Variants in HABP2 observed in about 807,000 individuals in gnomAD.
The protein encoded by HABP2 is factor VII-activating protease.
A neutral mutation model predicts 66.5 loss-of-function variants in HABP2; 65 were observed. The observed-to-expected ratio is 0.98, with a 90% confidence interval of 0.80 to 1.20. The LOEUF (loss-of-function observed/expected upper bound fraction) is 1.20. Ranked by LOEUF, HABP2 falls within the 50% of genes most tolerant of loss-of-function variation. The pLI is 0.00. For synonymous variants in HABP2, 263 were observed against 253.9 expected, an observed-to-expected ratio of 1.04 and a Z score of -0.34; for missense variants, 786 against 691.0, an observed-to-expected ratio of 1.14 and a Z score of -1.54.
rs1483555756 is a variant in HABP2, at chr10:113,584,237, T to C, written c.1327T>C (p.Ser443Pro). The C allele has an allele frequency of 1.2e-6, 2 of 1,613,894 alleles. No homozygotes were observed. The highest frequency in any genetic ancestry group is 2.2e-5 in the South Asian group (2 of 91,068). The change falls in exon 11 of 13, where the codon TCT (serine) becomes CCT (proline). Residue 443 changes from serine to proline, a missense_variant. Coordinates refer to ENST00000351270, the MANE Select transcript of HABP2 (RefSeq NM_004132.5). ...TVCLPDGSFPSGSECHISGWG... is the reference protein window; with the variant it reads ...TVCLPDGSFPPGSECHISGWG... ...GTGCTTGCCTGATGGGTCCTTTCCC[T>C]CTGGGAGTGAGTGCCACATCTCTGG...
intron 1 of HABP2, among the ~76,000 whole-genome samples, chr10:113,564,937 C>T (rs1289410785): frequency 1.1e-4 from 17 of 152,138 alleles, no homozygotes; most frequent in Admixed American, 1.1e-3. Flanking sequence ...AGCTCTGCCT[C>T]CTGGGCTCAC....
At chr10:113,561,646 A>G (rs999824865) in intron 1 of HABP2, among the ~76,000 whole-genome samples, 1 of 152,102 alleles carries the variant, frequency 6.6e-6, no homozygotes, top group African/African-American at 2.4e-5. Flanking sequence ...CTCTGCTCTT[A>G]GTTCATTCGG....
intron 2 of HABP2, among the ~76,000 whole-genome samples, chr10:113,568,144 G>T (rs989564740): frequency 1.3e-5 from 2 of 152,224 alleles, no homozygotes; most frequent in Non-Finnish European, 2.9e-5. Flanking sequence ...CACAGCGTGC[G>T]CAAGCTAAGC....
intron 9 of HABP2, 42 bp downstream of exon 9, chr10:113,582,173 C>T (rs370075546): frequency 1.4e-4 from 223 of 1,564,884 alleles, no homozygotes; most frequent in Non-Finnish European, 1.9e-4. Flanking sequence ...GCTTGAGTGG[C>T]TGGGGGTGCT....
chr10:113,588,958 A>G lies in HABP2; in HGVS notation c.*589A>G. ...AAACTTCCTCTCTGGCCTCTCAGGA[A>G]TCAGGGTGGACATGGCTCACAACAG... On this transcript the variant is annotated 3_prime_UTR_variant, in exon 13 of 13. Transcript: ENST00000351270. 2 of 1,576,730 alleles carry G rather than the reference A, an allele frequency of 1.3e-6. No individual in the cohort carries two copies. Among genetic ancestry groups the G allele is most frequent in the African/African-American group, 1.5e-5 (1 of 67,662 alleles).
At chr10:113,588,037 GT>G (rs1845688779) in intron 12 of HABP2, among the ~76,000 whole-genome samples, 167 bp from the exon 13 acceptor site, 1 of 152,164 alleles carries the variant, frequency 6.6e-6, no homozygotes, top group African/African-American at 2.4e-5. Flanking sequence ...TTAGAGTCTT[GT>G]ATCATGTGAG....
chr10:113,588,777 C>G lies in HABP2; in HGVS notation c.*408C>G, dbSNP rs1845734952. 1.7e-6 allele frequency: 1 copy of G among 585,144 alleles called. No individual in the cohort carries two copies. Among genetic ancestry groups the G allele is most frequent in the African/African-American group, 1.9e-5 (1 of 53,622 alleles). The allele number at this position is 585,144 out of a possible 1,614,324, so 36.2% of individuals were successfully genotyped here. A position where few individuals can be genotyped will look rare whatever the true frequency, so the allele number is the denominator to read the frequency against. On this transcript the variant is annotated 3_prime_UTR_variant, in exon 13 of 13. Transcript: ENST00000351270. ...AGACACTCGAGGCACTCAACAGAAT[C>G]AGCCATCCACGTCTAGGTATCAGAG...
intron 2 of HABP2, among the ~76,000 whole-genome samples, chr10:113,572,036 A>G (rs1344810263): frequency 1.3e-5 from 2 of 152,226 alleles, no homozygotes; most frequent in Non-Finnish European, 2.9e-5. Context: ...GCCCATCCCA[A>G]ATGGAAAGGA....
upstream of HABP2, among the ~76,000 whole-genome samples, chr10:113,551,905 G>C (rs1166264300): frequency 1.3e-5 from 2 of 151,944 alleles, no homozygotes; most frequent in African/African-American, 4.8e-5. Context: ...GAGGCGGGGT[G>C]GGGGGAGTTG....
rs575510102 is a variant in HABP2, at chr10:113,556,883, G to A, written c.69+3693G>A. Among the ~76,000 whole-genome samples, 5 of 137,156 alleles carry A rather than the reference G, an allele frequency of 3.6e-5. No individual in the cohort carries two copies. The South Asian group carries it at 1.1e-3, about 31-fold the overall frequency. 90.0% of individuals were successfully genotyped at this position (137,156 alleles called of 152,430 possible). On this transcript the variant is annotated intron_variant, in intron 1 of 12. Transcript: ENST00000351270. ...TGGTGTTGAACTCCTGACCTTAAGT[G>A]ATCCTCTAGCCTTGGCCTCTCAAAG... is the stretch of plus-strand genomic sequence containing the variant.
intron 12 of HABP2, among the ~76,000 whole-genome samples, 193 bp from the exon 13 acceptor site, chr10:113,588,010 CTG>C (rs779762352): frequency 6.6e-6 from 1 of 152,064 alleles, no homozygotes; most frequent in Non-Finnish European, 1.5e-5. Flanking sequence ...ACGGAGGACA[CTG>C]TTATCTTCTC....
At chr10:113,569,607 C>A (rs904254425) in intron 2 of HABP2, 2 of 152,356 alleles carry the variant, frequency 1.3e-5, no homozygotes, top group East Asian at 1.9e-4. Context: ...GAGGAGGTAG[C>A]CAGCAAACAG....
At chr10:113,585,616 G>A (rs1845618744) in intron 11 of HABP2, among the ~76,000 whole-genome samples, 177 bp from the exon 12 acceptor site, 1 of 152,174 alleles carries the variant, frequency 6.6e-6, no homozygotes, top group African/African-American at 2.4e-5. Context: ...CAGGATTGCA[G>A]GTCTGCACTG....
intron 9 of HABP2, 71 bp downstream of exon 9, chr10:113,582,202 C>CTACAAAGATGCTGCTCAG: frequency 6.9e-7 from 1 of 1,451,318 alleles, no homozygotes; most frequent in Non-Finnish European, 9.2e-7. Context: ...CCCCTCTGAG[C>CTACAAAGATGCTGCTCAG]AGCATCTTTG....
rs1283583236 is a variant in HABP2, at chr10:113,577,207, G to A, written c.389G>A (p.Ser130Asn). ...CGRGQCLITQ[S>N]PPYYRCVCKH... ...CGGGGCCAATGTCTCATTACCCAGA[G>A]TCCTCCCTACTACCGCTGTGTCTGT... The change falls in exon 5 of 13, where the codon AGT becomes AAT. Residue 130 changes from serine (S) to asparagine (N), a missense_variant. Physicochemically the swap from Ser to Asn is conservative, Grantham distance 46. Coordinates refer to ENST00000351270, the MANE Select transcript of HABP2 (RefSeq NM_004132.5). 6.2e-7 allele frequency: 1 copy of A among 1,613,586 alleles called. No homozygotes were observed. The highest frequency in any genetic ancestry group is 1.7e-5 in the Admixed American group (1 of 60,020).
intron 8 of HABP2, 100 bp from the exon 9 acceptor site, chr10:113,581,776 C>A: frequency 8.2e-7 from 1 of 1,221,714 alleles, no homozygotes; most frequent in Admixed American, 2.0e-5. Context: ...CTCTGGACCC[C>A]TGCTCAGCTG....
intron 1 of HABP2, among the ~76,000 whole-genome samples, chr10:113,554,240 C>T (rs553422965): frequency 1.1e-3 from 160 of 152,114 alleles, no homozygotes; most frequent in Non-Finnish European, 1.9e-3. Flanking sequence ...GAGAATGCTC[C>T]GCCTTGTTCG....
intron 2 of HABP2, 108 bp from the exon 3 acceptor site, chr10:113,574,181 C>T (rs1048450003): frequency 1.6e-5 from 11 of 674,792 alleles, no homozygotes; most frequent in Non-Finnish European, 3.0e-5. Flanking sequence ...CATGATTCCT[C>T]CTGCAGGACT....
At position 113,553,081 on chromosome 10, in the gene HABP2, A is replaced by T; in HGVS notation, c.-41A>T. On this transcript the variant is annotated 5_prime_UTR_variant, in exon 1 of 13. Transcript: ENST00000351270. ...CCCTAAAGGCATAGACAACAAAAGA[A>T]ATTTTATTGAGAGGAAAACACAAGT... The T allele has an allele frequency of 6.6e-7, 1 of 1,514,716 alleles. No individual in the cohort carries two copies. The highest frequency in any genetic ancestry group is 9.2e-7 in the Non-Finnish European group (1 of 1,089,776). 93.8% of individuals were successfully genotyped at this position (1,514,716 alleles called of 1,614,324 possible).
Sources: allele counts gnomAD v4.1 joint callset (sites outside exome capture counted in the v4.1 genomes callset), GRCh38; gene constraint gnomAD v4.1.1; transcripts MANE v1.5; gene names NCBI Gene and HGNC (gene_info 2026-07-23, HGNC 2026-07-21).